Variants in HMBOX1 observed in about 807,000 individuals in gnomAD.
HMBOX1 encodes homeobox-containing protein 1.
Under a neutral mutation model 54.5 loss-of-function variants are expected in HMBOX1, and 14 were observed. The observed-to-expected ratio is 0.26, with a 90% CI of 0.17 to 0.40. The LOEUF is 0.40. Among genes scored for constraint, HMBOX1 ranks in the 10% least tolerant of loss-of-function variants. The probability of loss-of-function intolerance (pLI) is 1.00; values close to 1 mark genes in which losing one functional copy is unlikely to be tolerated. For synonymous variants in HMBOX1, 160 were observed against 181.0 expected (o/e 0.88, Z 0.93); for missense variants, 332 against 514.4 (o/e 0.65, Z 3.43).
At chr8:29,003,740 A>G (rs1352744051) in intron 4 of HMBOX1, among the ~76,000 whole-genome samples, 3 of 151,634 alleles carry the variant, frequency 2.0e-5, no homozygotes, top group African/African-American at 2.4e-5. Context: ...GACAATGCAT[A>G]TATGTGCTTT....
At chr8:28,924,190 T>C (rs1031890787) in intron 1 of HMBOX1, among the ~76,000 whole-genome samples, 1 of 151,354 alleles carries the variant, frequency 6.6e-6, no homozygotes, top group African/African-American at 2.4e-5. Context: ...CACTGCAAGC[T>C]CCGCCTCCCG....
intron 2 of HMBOX1, among the ~76,000 whole-genome samples, chr8:28,965,056 G>A (rs1025793528): frequency 1.3e-5 from 2 of 152,206 alleles, no homozygotes; most frequent in African/African-American, 2.4e-5. Flanking sequence ...GAGTTAAGAC[G>A]TCTAATGGCT....
At chr8:28,979,653 C>G (rs759895801) in intron 3 of HMBOX1, among the ~76,000 whole-genome samples, 16 of 152,118 alleles carry the variant, frequency 1.1e-4, no homozygotes, top group African/African-American at 3.9e-4. Flanking sequence ...AGTTAACATG[C>G]GAGCCCACAA....
chr8:28,995,365 C>G (rs1831652384), intron 4 of HMBOX1, among the ~76,000 whole-genome samples: 1 of 152,144 alleles, frequency 6.6e-6, no homozygotes, highest in Non-Finnish European at 1.5e-5. Context: ...CTTTCCATAA[C>G]TGAATAATAT....
At chr8:28,905,799 A>G (rs1052392777) in intron 1 of HMBOX1, among the ~76,000 whole-genome samples, 1 of 152,142 alleles carries the variant, frequency 6.6e-6, no homozygotes, top group Admixed American at 6.5e-5. Flanking sequence ...ATGGGCCTTT[A>G]TATACTAAGC....
intron 6 of HMBOX1, among the ~76,000 whole-genome samples, chr8:29,036,349 A>T (rs1193428525): frequency 6.6e-6 from 1 of 152,132 alleles, no homozygotes. Flanking sequence ...ATGATTTGGA[A>T]GCTTTGTTTT....
At chr8:28,900,292 T>TATATATATA (rs1554519284) in intron 1 of HMBOX1, among the ~76,000 whole-genome samples, 2 of 84,618 alleles carry the variant, frequency 2.4e-5, no homozygotes, top group Non-Finnish European at 5.6e-5. Context: ...ATATATATAT[T>TATATATATA]TTGTTTCCTG....
Position 29,051,898 on chromosome 8 carries a change from T to TAA in HMBOX1, c.*762_*763dup, listed in dbSNP as rs11356150. 634 of 131,916 alleles carry TAA rather than the reference T, an allele frequency of 4.8e-3. 8 individuals are homozygous for TAA. The East Asian group carries it at 0.05, about 10-fold the overall frequency. The allele number at this position is 131,916 out of a possible 1,614,324, so 8.2% of individuals were successfully genotyped here. ...AACAAAGACAAAAACCAAAAGTCATTAAAAAAAAAAAAAAAAAAAACCCAG... is the reference window on the plus strand; with the variant it reads ...AACAAAGACAAAAACCAAAAGTCATTAAAAAAAAAAAAAAAAAAAAAACCCAG... On this transcript the variant is annotated 3_prime_UTR_variant, in exon 10 of 10. Transcript: ENST00000287701.
At chr8:29,042,999 G>T (rs1461471599) in intron 6 of HMBOX1, among the ~76,000 whole-genome samples, 1 of 152,184 alleles carries the variant, frequency 6.6e-6, no homozygotes, top group Non-Finnish European at 1.5e-5. Context: ...GAATTCCAAG[G>T]GTTAAGCCTT....
chr8:28,956,096 A>G (rs1237195917), intron 1 of HMBOX1: 1 of 152,194 alleles, frequency 6.6e-6, no homozygotes, highest in Non-Finnish European at 1.5e-5. Flanking sequence ...TTTAATATAT[A>G]TCACTATATT....
At chr8:28,890,166 A>G (rs1053751218), upstream of HMBOX1, 1 of 482,788 alleles carries the variant, frequency 2.1e-6, no homozygotes. Context: ...CCCCAGCATG[A>G]TATCATGTCT....
At chr8:29,009,458 G>A (rs1370166702) in intron 5 of HMBOX1, 19 of 978,408 alleles carry the variant, frequency 1.9e-5, no homozygotes, top group South Asian at 4.8e-5. Flanking sequence ...TTGAAAGAAC[G>A]CTATGAATGT....
At chr8:29,050,767 A>C (rs958478739) in intron 9 of HMBOX1, 4 of 479,710 alleles carry the variant, frequency 8.3e-6, no homozygotes, top group Non-Finnish European at 1.5e-5. Context: ...TAATAGAATG[A>C]ATAGAATTCT....
intron 1 of HMBOX1, among the ~76,000 whole-genome samples, chr8:28,928,468 A>T (rs76071566): frequency 0.19 from 28,748 of 152,112 alleles, 3,061 homozygotes; most frequent in South Asian, 0.29. Flanking sequence ...GAAATTCCTC[A>T]AAAAATTACA....
chr8:28,917,163 G>A (rs2131736849), intron 1 of HMBOX1, among the ~76,000 whole-genome samples: 1 of 152,028 alleles, frequency 6.6e-6, no homozygotes, highest in African/African-American at 2.4e-5. Context: ...AGCAATTTGG[G>A]CAGAATTTAC....
At chr8:29,032,343 GT>G (rs1443864692) in intron 6 of HMBOX1, among the ~76,000 whole-genome samples, 1 of 151,586 alleles carries the variant, frequency 6.6e-6, no homozygotes, top group Non-Finnish European at 1.5e-5. Context: ...AATTGAAACT[GT>G]TTTGAAAAAT....
At chr8:28,974,360 A>C (rs73669463) in intron 3 of HMBOX1, among the ~76,000 whole-genome samples, 3,078 of 152,246 alleles carry the variant, frequency 0.02, 91 homozygotes, top group African/African-American at 0.07. Flanking sequence ...ATATATAAAT[A>C]TATGTGTAGG....
In HMBOX1 at chr8:28,950,235, G is replaced by A. The variant is rs183756370; in HGVS notation, c.-57-13576G>A. On this transcript the variant is annotated intron_variant, in intron 1 of 9. Coordinates refer to ENST00000287701, the MANE Select transcript of HMBOX1 (RefSeq NM_001135726.3). ...TCCAAGTGGAATTATCTTAGAAGCC[G>A]TTTAAAAATACTCTTGGACCCCCAC... is the stretch of plus-strand genomic sequence containing the variant. 2.2e-4 allele frequency among the ~76,000 whole-genome samples: 33 copies of A among 152,234 alleles called. No individual in the cohort carries two copies. In the East Asian group the frequency reaches 3.1e-3, roughly 14 times the overall value.
chr8:28,937,907 A>AT (rs1008680542), intron 1 of HMBOX1, among the ~76,000 whole-genome samples: 5 of 152,006 alleles, frequency 3.3e-5, no homozygotes, highest in Admixed American at 1.3e-4. Flanking sequence ...CTTATCCATA[A>AT]TTTTTTTTAT....
Sources: allele counts gnomAD v4.1 joint callset (sites outside exome capture counted in the v4.1 genomes callset), GRCh38; gene constraint gnomAD v4.1.1; transcripts MANE v1.5; gene names NCBI Gene and HGNC (gene_info 2026-07-23, HGNC 2026-07-21).